AGO2: variants seen among roughly 807,000 people sequenced by gnomAD.
AGO2 encodes argonaute RISC catalytic component 2.
In AGO2, 5 loss-of-function variants were observed where a neutral mutation model predicts 102.3. That is an observed-to-expected ratio of 0.05 (90% CI 0.03 to 0.10). The LOEUF is 0.10. Ranked by LOEUF, AGO2 falls within the 10% of genes least tolerant of loss-of-function variation. The probability of loss-of-function intolerance (pLI) is 1.00; values close to 1 mark genes in which losing one functional copy is unlikely to be tolerated. For missense variants in AGO2, 541 were observed against 1,183.7 expected (o/e 0.46, Z 7.97); for synonymous variants, 449 against 473.1 (o/e 0.95, Z 0.66).
rs539634988 is a variant in AGO2, at chr8:140,544,385, G to A, written c.1749-82C>T. 80 of 1,171,050 alleles carry A rather than the reference G, an allele frequency of 6.8e-5. 1 individual carries two copies. In the African/African-American group the frequency reaches 1.3e-3, roughly 18 times the overall value. The allele number at this position is 1,171,050 out of a possible 1,614,324, so 72.5% of individuals were successfully genotyped here. On this transcript the variant is annotated intron_variant, in intron 13 of 18. Transcript: ENST00000220592. ...TAGTAGGTGCCACCATCACCTTTTG[G>A]AGGTGGTCAGTGTATCATGGTAATG...
At chr8:140,620,583 G>A (rs754669773) in intron 1 of AGO2, among the ~76,000 whole-genome samples, 8 of 152,140 alleles carry the variant, frequency 5.3e-5, no homozygotes, top group Admixed American at 5.2e-4. Context: ...ACTTCTTCTC[G>A]GCCGGGCACG....
intron 2 of AGO2, among the ~76,000 whole-genome samples, chr8:140,582,863 G>A (rs2073577724): frequency 6.6e-6 from 1 of 152,196 alleles, no homozygotes; most frequent in South Asian, 2.1e-4. Flanking sequence ...TTTGGACTAG[G>A]AGAAAATATT....
intron 3 of AGO2, chr8:140,572,248 A>G (rs1372750010): frequency 6.6e-6 from 1 of 152,240 alleles, no homozygotes; most frequent in African/African-American, 2.4e-5. Context: ...TTGACTAATC[A>G]CCATCATTCT....
At chr8:140,604,259 T>C (rs1238611968) in intron 1 of AGO2, among the ~76,000 whole-genome samples, 1 of 152,266 alleles carries the variant, frequency 6.6e-6, no homozygotes, top group Non-Finnish European at 1.5e-5. Context: ...CACGCTGGTC[T>C]CTGCTCAGTG....
chr8:140,526,101 G>A lies in AGO2; in HGVS notation c.*5943C>T, dbSNP rs1226689765. 2.6e-5 allele frequency: 4 copies of A among 152,290 alleles called. No homozygotes were observed. The highest frequency in any genetic ancestry group is 9.6e-5 in the African/African-American group (4 of 41,562). The allele number at this position is 152,290 out of a possible 1,614,324, so 9.4% of individuals were successfully genotyped here. ...GGTCCCAAAGTCAAAGGCCAATTAC[G>A]TCTGCATTGTCTTTGAAACCATGCA... is the stretch of plus-strand genomic sequence containing the variant. On this transcript the variant is annotated 3_prime_UTR_variant, in exon 19 of 19. Coordinates refer to ENST00000220592, the MANE Select transcript of AGO2 (RefSeq NM_012154.5). The surrounding 1 kb of genome is among the most constrained non-coding windows in gnomAD (Gnocchi z 5.2).
chr8:140,594,083 T>C (rs1017075116), intron 1 of AGO2, among the ~76,000 whole-genome samples: 9 of 152,142 alleles, frequency 5.9e-5, no homozygotes, highest in African/African-American at 2.2e-4. Flanking sequence ...CACCCTACAC[T>C]GCCTGAGCAC....
chr8:140,538,181 C>T (rs2072730943), intron 16 of AGO2, among the ~76,000 whole-genome samples: 1 of 152,254 alleles, frequency 6.6e-6, no homozygotes, highest in African/African-American at 2.4e-5. Flanking sequence ...TGCTTAACTT[C>T]TGTTTCACCT....
At chr8:140,585,394 T>C in intron 1 of AGO2, 83 bp from the exon 2 acceptor site, 1 of 1,480,118 alleles carries the variant, frequency 6.8e-7, no homozygotes, top group East Asian at 2.3e-5. Context: ...CAAGCCACTA[T>C]ATGCCCCCCT....
intron 11 of AGO2, among the ~76,000 whole-genome samples, chr8:140,550,205 G>A (rs73713179): frequency 0.028 from 4,197 of 152,284 alleles, 159 homozygotes; most frequent in African/African-American, 0.064. Flanking sequence ...ATGGCCACTC[G>A]CCAGCAAGAC....
chr8:140,621,222 CT>C (rs1252337969), intron 1 of AGO2, among the ~76,000 whole-genome samples: 1 of 152,246 alleles, frequency 6.6e-6, no homozygotes, highest in African/African-American at 2.4e-5. Context: ...CTTGCCCCTC[CT>C]TGGGCTGGAT....
chr8:140,552,652 C>G (rs2073017433), intron 10 of AGO2, among the ~76,000 whole-genome samples: 1 of 152,038 alleles, frequency 6.6e-6, no homozygotes, highest in Admixed American at 6.6e-5. Flanking sequence ...TCACAGACAG[C>G]CTGGGGCTCC....
At position 140,531,249 on chromosome 8, in the gene AGO2, C is replaced by A. The variant is rs1186803926; in HGVS notation, c.*795G>T. On this transcript the variant is annotated 3_prime_UTR_variant, in exon 19 of 19. Transcript: ENST00000220592. ...ATTGTACTGTATTTATCACCACAGACCCGTATTCTTTAAAAACTTTGGAAA... is the reference window on the plus strand; with the variant it reads ...ATTGTACTGTATTTATCACCACAGAACCGTATTCTTTAAAAACTTTGGAAA... The A allele has an allele frequency of 6.6e-6, 1 of 152,610 alleles. No homozygotes were observed. The highest frequency in any genetic ancestry group is 3.2e-3 in the Middle Eastern group (1 of 316). The allele number at this position is 152,610 out of a possible 1,614,324, so 9.5% of individuals were successfully genotyped here. A position where few individuals can be genotyped will look rare whatever the true frequency, so the allele number is the denominator to read the frequency against.
intron 14 of AGO2, among the ~76,000 whole-genome samples, chr8:140,543,277 A>G (rs937352132): frequency 1.3e-5 from 2 of 152,202 alleles, no homozygotes; most frequent in African/African-American, 4.8e-5. Context: ...TATCGGGCCA[A>G]GTGGCAAGAA....
In AGO2 at chr8:140,567,756, G is replaced by A. The variant is rs1306083792; in HGVS notation, c.336+5056C>T. Among the ~76,000 whole-genome samples, 1 of 152,196 alleles carries A rather than the reference G, an allele frequency of 6.6e-6. No homozygotes were observed. The highest frequency in any genetic ancestry group is 1.5e-5 in the Non-Finnish European group (1 of 68,024). On this transcript the variant is annotated intron_variant, in intron 3 of 18. Coordinates refer to ENST00000220592, the MANE Select transcript of AGO2 (RefSeq NM_012154.5). The surrounding 1 kb of genome is among the most constrained non-coding windows in gnomAD (Gnocchi z 5.0). ...CTGTCCGGAAATCCTCAGGGCGAGA[G>A]AAGTAGGACTGTCATGGGGTGATTC...
chr8:140,604,169 C>T (rs117926667), intron 1 of AGO2, among the ~76,000 whole-genome samples: 3,848 of 152,298 alleles, frequency 0.025, 65 homozygotes, highest in Non-Finnish European at 0.035. Context: ...ACCAGGGAAA[C>T]GACGCGATGG....
chr8:140,546,458 T>C (rs1483057917), intron 13 of AGO2, among the ~76,000 whole-genome samples: 1 of 152,130 alleles, frequency 6.6e-6, no homozygotes, highest in East Asian at 2.0e-4. Flanking sequence ...GAGGACACTG[T>C]GGTGGCCAAG....
chr8:140,542,705 G>A (rs188727794), intron 14 of AGO2, among the ~76,000 whole-genome samples: 6 of 152,360 alleles, frequency 3.9e-5, no homozygotes, highest in South Asian at 4.1e-4. Flanking sequence ...GCGCCAGCCC[G>A]CTGTGCTGCG....
intron 17 of AGO2, among the ~76,000 whole-genome samples, chr8:140,533,037 A>C (rs2072627075): frequency 6.6e-6 from 1 of 151,674 alleles, no homozygotes. Flanking sequence ...ACATATAGTA[A>C]ATGGCCCCAT....
intron 1 of AGO2, among the ~76,000 whole-genome samples, chr8:140,629,818 T>C (rs1293905252): frequency 4.1e-5 from 6 of 145,572 alleles, no homozygotes; most frequent in Non-Finnish European, 9.0e-5. Flanking sequence ...GCCTGGGCCA[T>C]GAGAGTGAGA....
Sources: gnomAD v4.1 joint callset for allele counts (sites outside exome capture counted in the v4.1 genomes callset) on GRCh38, gnomAD v4.1.1 for gene constraint, Gnocchi (gnomAD v3.1) non-coding constraint, MANE v1.5 for transcripts, NCBI Gene and HGNC (gene_info 2026-07-23, HGNC 2026-07-21) for gene names.